DPP10: variants seen among roughly 807,000 people sequenced by gnomAD.
DPP10 encodes the protein inactive dipeptidyl peptidase 10.
DPP10 carries 33 observed loss-of-function variants against 120.9 expected under a neutral mutation model. The observed-to-expected ratio is 0.27, with a 90% confidence interval of 0.21 to 0.37. The LOEUF is 0.37. DPP10 is among the 10% of genes least tolerant of loss of function. The pLI is 1.00. For synonymous variants in DPP10, 337 were observed against 326.1 expected (o/e 1.03, Z -0.36); for missense variants, 816 against 942.8 (o/e 0.87, Z 1.76).
intron 5 of DPP10, among the ~76,000 whole-genome samples, chr2:115,566,344 A>G (rs143581557): frequency 3.9e-5 from 6 of 152,128 alleles, no homozygotes; most frequent in African/African-American, 1.4e-4. Context: ...ATTTTTTTCT[A>G]TATGGTGGTT....
At chr2:114,502,948 GAGAC>G (rs148811478) in intron 1 of DPP10, among the ~76,000 whole-genome samples, 7,255 of 152,302 alleles carry the variant, frequency 0.048, 248 homozygotes, top group African/African-American at 0.092. Context: ...GCCACAGCTT[GAGAC>G]AGACAGAAGA....
intron 1 of DPP10, among the ~76,000 whole-genome samples, chr2:114,638,899 G>A (rs570990449): frequency 6.6e-6 from 1 of 151,978 alleles, no homozygotes; most frequent in East Asian, 1.9e-4. Context: ...GCGCCCATGA[G>A]TGGATTGGAT....
chr2:115,080,322 T>G (rs1708169564), intron 1 of DPP10, among the ~76,000 whole-genome samples: 1 of 152,174 alleles, frequency 6.6e-6, no homozygotes, highest in Non-Finnish European at 1.5e-5. Flanking sequence ...CTGGCCACCC[T>G]GTATATCTTA....
chr2:115,443,810 G>A (rs937320711), intron 3 of DPP10, among the ~76,000 whole-genome samples: 1 of 152,088 alleles, frequency 6.6e-6, no homozygotes, highest in Non-Finnish European at 1.5e-5. Flanking sequence ...GCTGTTCTAG[G>A]TCAGAGTTTC....
intron 11 of DPP10, among the ~76,000 whole-genome samples, chr2:115,760,265 A>T (rs773407083): frequency 6.6e-6 from 1 of 152,178 alleles, no homozygotes; most frequent in Admixed American, 6.5e-5. Context: ...TACGCTCAAC[A>T]ATATGAGCGA....
intron 1 of DPP10, among the ~76,000 whole-genome samples, chr2:115,103,258 G>A (rs986881106): frequency 6.7e-6 from 1 of 149,696 alleles, no homozygotes; most frequent in Non-Finnish European, 1.5e-5. Flanking sequence ...CGCAATCTCG[G>A]CTCACTGCAA....
chr2:114,901,930 A>T (rs1029036292), intron 1 of DPP10, among the ~76,000 whole-genome samples: 1 of 152,220 alleles, frequency 6.6e-6, no homozygotes, highest in Non-Finnish European at 1.5e-5. Context: ...ACCAGTCAAG[A>T]GCAAAGATTA....
intron 1 of DPP10, among the ~76,000 whole-genome samples, chr2:114,918,089 TAAAC>T (rs1694935818): frequency 6.6e-6 from 1 of 151,932 alleles, no homozygotes; most frequent in Non-Finnish European, 1.5e-5. Flanking sequence ...ATAGAGAACT[TAAAC>T]AAATCAACAA....
intron 5 of DPP10, among the ~76,000 whole-genome samples, chr2:115,577,975 TATTA>T (rs1287316507): frequency 1.3e-5 from 2 of 152,196 alleles, no homozygotes; most frequent in Non-Finnish European, 2.9e-5. Context: ...TTATTACAAT[TATTA>T]ATTCCAGTTC....
At chr2:114,737,597 A>G (rs1192043424) in intron 1 of DPP10, among the ~76,000 whole-genome samples, 1 of 152,218 alleles carries the variant, frequency 6.6e-6, no homozygotes, top group Non-Finnish European at 1.5e-5. Context: ...CAGGAAATCC[A>G]GAGATCAGTG....
chr2:114,936,637 T>C (rs933276816), intron 1 of DPP10, among the ~76,000 whole-genome samples: 2 of 152,026 alleles, frequency 1.3e-5, no homozygotes, highest in African/African-American at 4.8e-5. Context: ...AGACGGTGGA[T>C]CTACTTTTGT....
chr2:115,323,750 G>T (rs906300866), intron 2 of DPP10, among the ~76,000 whole-genome samples: 1 of 152,154 alleles, frequency 6.6e-6, no homozygotes, highest in Non-Finnish European at 1.5e-5. Context: ...GGGTAACCAG[G>T]TGTATTGTCA....
intron 1 of DPP10, among the ~76,000 whole-genome samples, chr2:114,869,731 A>G (rs1189874224): frequency 1.3e-5 from 2 of 152,308 alleles, no homozygotes; most frequent in African/African-American, 2.4e-5. Context: ...CTTGAGAACT[A>G]CAAGTGAGAA....
Position 115,802,296 on chromosome 2 carries a change from T to G in DPP10, c.1700+10940T>G, listed in dbSNP as rs925236753. ...GTGGTGATATCCCCTTTGTCATTTT[T>G]TATTGTGTCTATTTGATTCTTCTCT... On this transcript the variant is annotated intron_variant, in intron 19 of 25. Transcript: ENST00000410059. Among the ~76,000 whole-genome samples, 77 of 152,332 alleles carry G rather than the reference T, an allele frequency of 5.1e-4. 1 individual carries two copies. The highest frequency in any genetic ancestry group is 1.4e-3 in the African/African-American group (57 of 41,578).
chr2:115,709,077 A>G (rs1171503474), intron 7 of DPP10, among the ~76,000 whole-genome samples: 2 of 152,146 alleles, frequency 1.3e-5, no homozygotes, highest in African/African-American at 4.8e-5. Context: ...AAGCCTGAAC[A>G]AAACCAGGCA....
chr2:115,453,384 G>C (rs1366580983), intron 3 of DPP10, among the ~76,000 whole-genome samples: 1 of 151,274 alleles, frequency 6.6e-6, no homozygotes, highest in Non-Finnish European at 1.5e-5. Flanking sequence ...CAAAATCACA[G>C]TGTTCTGAGA....
rs558026012 is a variant in DPP10 at position 115,813,171 on chromosome 2, C to T, written c.1701-1622C>T. Reference sequence around the variant, plus strand: ...TAATTTTTTGTATTTTTAGTAGAGACGGGGTTTCACCTTGTTAGCCAGGAT... The same window carrying T: ...TAATTTTTTGTATTTTTAGTAGAGATGGGGTTTCACCTTGTTAGCCAGGAT... On this transcript the variant is annotated intron_variant, in intron 19 of 25. Transcript: ENST00000410059. 6.6e-5 allele frequency among the ~76,000 whole-genome samples: 10 copies of T among 151,620 alleles called. No homozygotes were observed. The South Asian group carries it at 1.9e-3, about 28-fold the overall frequency.
At chr2:115,462,892 G>A (rs532189676) in intron 3 of DPP10, among the ~76,000 whole-genome samples, 186 of 152,190 alleles carry the variant, frequency 1.2e-3, no homozygotes, top group Non-Finnish European at 2.5e-3. Context: ...ACCATGCCCG[G>A]CTAATTGTTT....
intron 1 of DPP10, among the ~76,000 whole-genome samples, chr2:115,209,717 C>T (rs1199810199): frequency 1.3e-5 from 2 of 152,016 alleles, no homozygotes; most frequent in African/African-American, 4.8e-5. Context: ...ATATTTAACT[C>T]GATAACTGCA....
Sources: gnomAD v4.1 joint callset for allele counts (sites outside exome capture counted in the v4.1 genomes callset) on GRCh38, gnomAD v4.1.1 for gene constraint, MANE v1.5 for transcripts, NCBI Gene and HGNC (gene_info 2026-07-23, HGNC 2026-07-21) for gene names.